Variants in INSL6 observed in about 807,000 individuals in gnomAD.
INSL6 encodes insulin-like peptide INSL6.
A neutral mutation model predicts 9.4 loss-of-function variants in INSL6; 16 were observed. That is an observed-to-expected ratio of 1.70 (90% CI 1.15 to 2.59). The LOEUF is 2.59. INSL6 is among the 30% of genes most tolerant of loss of function. The pLI, the probability that INSL6 is intolerant of heterozygous loss-of-function variation, is 0.00. For missense variants in INSL6, 391 were observed against 257.3 expected (o/e 1.52, Z -3.56); for synonymous variants, 154 against 96.9 (o/e 1.59, Z -3.46).
the INSL6 span, among the ~76,000 whole-genome samples, chr9:5,082,826 C>T: frequency 6.6e-6 from 1 of 152,220 alleles, no homozygotes; most frequent in South Asian, 2.1e-4. Flanking sequence ...TAGCCTTAAA[C>T]CTTGATTCCA....
At chr9:5,008,719 A>C in the INSL6 span, among the ~76,000 whole-genome samples, 4 of 152,186 alleles carry the variant, frequency 2.6e-5, no homozygotes, top group Non-Finnish European at 5.9e-5. Flanking sequence ...CAGTTTTTAA[A>C]AAATTAAATG....
the INSL6 span, among the ~76,000 whole-genome samples, chr9:5,048,856 G>A: frequency 6.6e-5 from 10 of 152,204 alleles, no homozygotes; most frequent in East Asian, 1.2e-3. Context: ...GCCCTTGTCC[G>A]GTTTAAAACC....
chr9:5,127,255 T>C (rs1824059452), intron 3 of INSL6: 1 of 232,494 alleles, frequency 4.3e-6, no homozygotes, highest in South Asian at 1.8e-4. Flanking sequence ...TTCTAATTTT[T>C]CCATAGTTAA....
the INSL6 span, among the ~76,000 whole-genome samples, chr9:5,016,022 T>C: frequency 4.6e-5 from 7 of 152,222 alleles, no homozygotes; most frequent in Admixed American, 2.0e-4. Context: ...GAAGTAGGCA[T>C]TGGAGACAGT....
chr9:5,004,964 T>G, the INSL6 span, among the ~76,000 whole-genome samples: 5 of 150,264 alleles, frequency 3.3e-5, no homozygotes, highest in African/African-American at 9.9e-5. Context: ...TTGCCTAGGC[T>G]GAAGTGCAGT....
intron 2 of INSL6, among the ~76,000 whole-genome samples, chr9:5,141,488 A>C (rs1213284130): frequency 6.6e-6 from 1 of 152,104 alleles, no homozygotes; most frequent in African/African-American, 2.4e-5. Context: ...ATTGTTGGCC[A>C]CATGTATGTC....
chr9:5,138,738 A>T (rs1287880372), intron 2 of INSL6, among the ~76,000 whole-genome samples: 1 of 150,180 alleles, frequency 6.7e-6, no homozygotes, highest in Non-Finnish European at 1.5e-5. Flanking sequence ...AATAAAAAAA[A>T]ATAATAAAAG....
the INSL6 span, chr9:5,112,541 A>G: frequency 1.7e-6 from 1 of 599,464 alleles, no homozygotes. Context: ...GAGTGGGAGA[A>G]GCAGGTGGCC....
In INSL6 at chr9:5,149,535, G is replaced by A. The variant is rs531927444; in HGVS notation, c.376+14644C>T. On this transcript the variant is annotated intron_variant, in intron 2 of 3. Coordinates refer to the INSL6 transcript ENST00000649639. ...AATACCTACAAATACAGTTAACTAAGGATATGAAAGATCTCTATAAGGAAA... is the reference window on the plus strand; with the variant it reads ...AATACCTACAAATACAGTTAACTAAAGATATGAAAGATCTCTATAAGGAAA... Among the ~76,000 whole-genome samples, 14 of 152,190 alleles carry A rather than the reference G, an allele frequency of 9.2e-5. No individual in the cohort carries two copies. In the South Asian group the frequency reaches 2.9e-3, roughly 32 times the overall value.
chr9:5,169,421 C>T (rs894258855), intron 1 of INSL6, among the ~76,000 whole-genome samples: 3 of 152,182 alleles, frequency 2.0e-5, no homozygotes, highest in Admixed American at 1.3e-4. Flanking sequence ...TACAAAAACA[C>T]ACCAAAGTAC....
At chr9:5,050,252 C>T in the INSL6 span, among the ~76,000 whole-genome samples, 80 of 152,186 alleles carry the variant, frequency 5.3e-4, no homozygotes, top group Non-Finnish European at 9.1e-4. Flanking sequence ...AAAATTGTAT[C>T]GCAAAATGAA....
the INSL6 span, among the ~76,000 whole-genome samples, chr9:5,007,585 A>G: frequency 6.6e-5 from 10 of 151,256 alleles, no homozygotes; most frequent in Admixed American, 2.6e-4. Context: ...AATGCAAAAT[A>G]TGTCCTATTT....
chr9:5,063,932 C>T, the INSL6 span, among the ~76,000 whole-genome samples: 6 of 152,112 alleles, frequency 3.9e-5, no homozygotes, highest in African/African-American at 1.4e-4. Flanking sequence ...CCAAGGCGGG[C>T]GGATCATTAG....
chr9:5,184,922 A>C (rs775440574), intron 1 of INSL6, among the ~76,000 whole-genome samples: 16 of 152,348 alleles, frequency 1.1e-4, no homozygotes, highest in Admixed American at 3.9e-4. Context: ...ACGACAGTCA[A>C]ATACAACTAT....
the INSL6 span, among the ~76,000 whole-genome samples, chr9:5,002,144 A>G: frequency 6.6e-6 from 1 of 151,308 alleles, no homozygotes; most frequent in African/African-American, 2.4e-5. Context: ...GGTTTGATTG[A>G]TTTTCTTTAT....
chr9:5,022,305 TA>T, the INSL6 span: 2 of 767,042 alleles, frequency 2.6e-6, no homozygotes, highest in Non-Finnish European at 4.1e-6. Context: ...TATATATTTT[TA>T]TTTTTTTAAT....
intron 2 of INSL6, among the ~76,000 whole-genome samples, chr9:5,152,459 G>T (rs1475465509): frequency 6.6e-6 from 1 of 151,828 alleles, no homozygotes; most frequent in African/African-American, 2.4e-5. Context: ...TAACCCATGG[G>T]TCAAGAAAAA....
intron 2 of INSL6, among the ~76,000 whole-genome samples, chr9:5,144,179 C>G (rs1824554815): frequency 1.3e-5 from 2 of 152,162 alleles, no homozygotes; most frequent in Non-Finnish European, 2.9e-5. Flanking sequence ...TTAGCTGTGT[C>G]CCAGAGATTC....
intron 2 of INSL6, among the ~76,000 whole-genome samples, chr9:5,143,698 T>TCACTCCA (rs1824546968): frequency 6.6e-6 from 1 of 151,700 alleles, no homozygotes; most frequent in African/African-American, 2.4e-5. Flanking sequence ...CTCACTCTGT[T>TCACTCCA]GCCCAGGCTG....
Sources: allele counts gnomAD v4.1 joint callset (sites outside exome capture counted in the v4.1 genomes callset), GRCh38; gene constraint gnomAD v4.1.1; transcripts MANE v1.5; gene names NCBI Gene and HGNC (gene_info 2026-07-23, HGNC 2026-07-21).